The following ROR2 variants were observed in gnomAD, a reference collection of about 807,000 sequenced individuals.
The protein encoded by ROR2 is ROR family WNT receptor 2.
A neutral mutation model predicts 74.9 loss-of-function variants in ROR2; 33 were observed. The ratio of observed to expected loss-of-function variants is 0.44; its 90% CI spans 0.33 to 0.59. The LOEUF (loss-of-function observed/expected upper bound fraction) is 0.59, where lower values mean the gene tolerates loss of function less well. Ranked by LOEUF, ROR2 falls within the 20% of genes least tolerant of loss-of-function variation. The pLI, the probability that ROR2 is intolerant of heterozygous loss-of-function variation, is 0.02. For synonymous variants in ROR2, 586 were observed against 558.7 expected (o/e 1.05, Z -0.69); for missense variants, 1,216 against 1,313.8 (o/e 0.93, Z 1.15).
chr9:91,726,786 T>A, intron 7 of ROR2, 43 bp from the exon 8 acceptor site: 6 of 1,593,880 alleles, frequency 3.8e-6, no homozygotes, highest in Non-Finnish European at 5.2e-6. Flanking sequence ...AAAACATCCC[T>A]TTTCTACTCT....
chr9:91,767,505 G>C (rs923839460), intron 2 of ROR2, among the ~76,000 whole-genome samples: 1 of 152,246 alleles, frequency 6.6e-6, no homozygotes, highest in Non-Finnish European at 1.5e-5. Flanking sequence ...TTACATATTA[G>C]AGATCATGAG....
intron 4 of ROR2, among the ~76,000 whole-genome samples, chr9:91,748,064 T>A (rs1299886715): frequency 6.6e-6 from 1 of 152,102 alleles, no homozygotes; most frequent in African/African-American, 2.4e-5. Flanking sequence ...GAGTTCGAGA[T>A]CAGCCTGGCC....
chr9:91,936,909 A>T (rs1327596157), intron 1 of ROR2, among the ~76,000 whole-genome samples: 2 of 149,590 alleles, frequency 1.3e-5, no homozygotes, highest in African/African-American at 4.9e-5. Flanking sequence ...GGGCGCCTGT[A>T]GTCCCAGCTA....
intron 1 of ROR2, among the ~76,000 whole-genome samples, chr9:91,835,359 A>G (rs79049245): frequency 3.3e-5 from 5 of 152,146 alleles, no homozygotes; most frequent in East Asian, 3.9e-4. Flanking sequence ...CAATTTCACC[A>G]TGACGGTTGC....
chr9:91,814,741 A>G lies in ROR2; in HGVS notation c.98-38923T>C, dbSNP rs1321661514. 2.0e-5 allele frequency among the ~76,000 whole-genome samples: 3 copies of G among 152,204 alleles called. No homozygotes were observed. The East Asian group carries it at 5.8e-4, about 29-fold the overall frequency. On this transcript the variant is annotated intron_variant, in intron 1 of 8. Transcript: ENST00000375708. ...AAAAATGACAGGGTTCTGCCTTTCA[A>G]GGATCTGGGTGATGCTGTGAAGAAG...
intron 1 of ROR2, among the ~76,000 whole-genome samples, chr9:91,891,808 G>A (rs1168999367): frequency 2.0e-5 from 3 of 151,982 alleles, no homozygotes; most frequent in African/African-American, 7.3e-5. Context: ...AGCACTTTAG[G>A]AGGCCAAGAC....
chr9:91,898,977 A>T (rs1830605487), intron 1 of ROR2, among the ~76,000 whole-genome samples: 1 of 152,172 alleles, frequency 6.6e-6, no homozygotes, highest in African/African-American at 2.4e-5. Context: ...TCACTCTGAT[A>T]CTGTTCTGAT....
At chr9:91,942,459 A>G (rs1831898781) in intron 1 of ROR2, among the ~76,000 whole-genome samples, 1 of 152,190 alleles carries the variant, frequency 6.6e-6, no homozygotes, top group Admixed American at 6.5e-5. Context: ...GCACTCATTC[A>G]TGACGCCTGC....
intron 1 of ROR2, among the ~76,000 whole-genome samples, chr9:91,934,713 AAAAG>A (rs1427070873): frequency 1.3e-5 from 2 of 152,182 alleles, no homozygotes; most frequent in Non-Finnish European, 2.9e-5. Context: ...TATTTTCTTA[AAAAG>A]AAAGAAAAGA....
chr9:91,733,318 C>T lies in ROR2; in HGVS notation c.741G>A (p.Lys247=). ...PLCDARSRTP[K]PRELCRDECE... is the part of the protein sequence containing the mutation. ...ACTCGTCGCGGCACAGCTCACGCGG[C>T]TTGGGTGTCCGGGAGCGCGCGTCGC... Residue 247 remains lysine, a synonymous_variant, in exon 6 of 9, where the codon AAG becomes AAA. Coordinates refer to ENST00000375708, the MANE Select transcript of ROR2 (RefSeq NM_004560.4). The surrounding 1 kb of genome is among the most constrained non-coding windows in gnomAD (Gnocchi z 5.7). The T allele has an allele frequency of 1.2e-6, 2 of 1,612,780 alleles. No homozygotes were observed. Among genetic ancestry groups the T allele is most frequent in the East Asian group, 2.2e-5 (1 of 44,862 alleles).
At chr9:91,731,264 AC>A in intron 6 of ROR2, 109 bp from the exon 7 acceptor site, 1 of 1,506,642 alleles carries the variant, frequency 6.6e-7, no homozygotes, top group Non-Finnish European at 9.1e-7. Flanking sequence ...TACATAACTT[AC>A]CAGAAAAGAG....
At chr9:91,891,192 T>C (rs1215818039) in intron 1 of ROR2, among the ~76,000 whole-genome samples, 1 of 152,166 alleles carries the variant, frequency 6.6e-6, no homozygotes, top group African/African-American at 2.4e-5. Flanking sequence ...AAGAAGAGCA[T>C]GGCTGGGTTC....
intron 1 of ROR2, among the ~76,000 whole-genome samples, chr9:91,800,778 C>A (rs1421838473): frequency 6.6e-6 from 1 of 152,224 alleles, no homozygotes; most frequent in Admixed American, 6.5e-5. Context: ...CAGTAAAGTT[C>A]ACAGCCACGC....
intron 1 of ROR2, among the ~76,000 whole-genome samples, chr9:91,790,776 G>T (rs1465028186): frequency 6.6e-6 from 1 of 152,180 alleles, no homozygotes; most frequent in East Asian, 1.9e-4. Flanking sequence ...ACAAGATGTG[G>T]AGGTGGACGA....
At chr9:91,935,592 T>C (rs1348901997) in intron 1 of ROR2, among the ~76,000 whole-genome samples, 1 of 152,202 alleles carries the variant, frequency 6.6e-6, no homozygotes, top group East Asian at 1.9e-4. Flanking sequence ...TTTTTTGTTT[T>C]TGCCCAGGTC....
chr9:91,899,656 T>C (rs1425482533), intron 1 of ROR2, among the ~76,000 whole-genome samples: 3 of 152,234 alleles, frequency 2.0e-5, no homozygotes, highest in Admixed American at 1.3e-4. Context: ...AGGGGGCAGC[T>C]GGGACCAAGT....
intron 1 of ROR2, among the ~76,000 whole-genome samples, chr9:91,858,465 G>T (rs1383782346): frequency 6.6e-6 from 1 of 152,208 alleles, no homozygotes; most frequent in African/African-American, 2.4e-5. Flanking sequence ...TTCTCAAAGT[G>T]CCCAATGAGG....
At position 91,724,631 on chromosome 9, in the gene ROR2, C is replaced by T. The variant is rs778321761; in HGVS notation, c.1863G>A (p.Val621=). The change falls in exon 9 of 9, where the codon GTG becomes GTA. Residue 621 remains valine, a synonymous_variant. Transcript: ENST00000375708. ...TCACGTTCAGCTTGTCGTACACTAGCACATTGCGGGTGGCCAGGTCCTTGT... is the reference window on the plus strand; with the variant it reads ...TCACGTTCAGCTTGTCGTACACTAGTACATTGCGGGTGGCCAGGTCCTTGT... ...VVHKDLATRN[V]LVYDKLNVKI... 60 of 1,614,234 alleles carry T rather than the reference C, an allele frequency of 3.7e-5. No homozygotes were observed. The Admixed American group carries it at 9.8e-4, about 26-fold the overall frequency.
intron 2 of ROR2, among the ~76,000 whole-genome samples, chr9:91,764,016 T>C (rs1031371915): frequency 9.2e-5 from 14 of 152,092 alleles, no homozygotes; most frequent in African/African-American, 3.4e-4. Context: ...ATTTTGTTTT[T>C]CATATTTTTA....
Sources: gnomAD v4.1 joint callset for allele counts (sites outside exome capture counted in the v4.1 genomes callset) on GRCh38, gnomAD v4.1.1 for gene constraint, Gnocchi (gnomAD v3.1) non-coding constraint, MANE v1.5 for transcripts, NCBI Gene and HGNC (gene_info 2026-07-23, HGNC 2026-07-21) for gene names.